OSBP2: variants seen among roughly 807,000 people sequenced by gnomAD.
The protein encoded by OSBP2 is oxysterol-binding protein 2.
OSBP2 carries 66 observed loss-of-function variants against 96.0 expected under a neutral mutation model. That is an observed-to-expected ratio of 0.69 (90% confidence interval 0.56 to 0.84). The LOEUF (loss-of-function observed/expected upper bound fraction) is 0.84. Among genes scored for constraint, OSBP2 ranks in the 40% least tolerant of loss-of-function variants. The pLI is 0.00. For missense variants in OSBP2, 1,038 were observed against 1,222.7 expected, an observed-to-expected ratio of 0.85 and a Z score of 2.25; for synonymous variants, 525 against 520.9, an observed-to-expected ratio of 1.01 and a Z score of -0.11.
At chr22:30,744,743 A>G (rs1252811082) in intron 2 of OSBP2, among the ~76,000 whole-genome samples, 1 of 152,150 alleles carries the variant, frequency 6.6e-6, no homozygotes, top group Non-Finnish European at 1.5e-5. Flanking sequence ...CCTGGGCAAC[A>G]GAGTGAGACT....
intron 2 of OSBP2, among the ~76,000 whole-genome samples, chr22:30,784,675 CTGATTT>C (rs1258613514): frequency 6.6e-6 from 1 of 152,098 alleles, no homozygotes; most frequent in African/African-American, 2.4e-5. Flanking sequence ...AGCATTTACT[CTGATTT>C]TGAATACTCG....
At chr22:30,725,629 C>T (rs1244706491) in intron 1 of OSBP2, among the ~76,000 whole-genome samples, 4 of 152,002 alleles carry the variant, frequency 2.6e-5, no homozygotes, top group Non-Finnish European at 5.9e-5. Context: ...AGTGATTTGT[C>T]CTTTCCTGAT....
At chr22:30,893,401 GGGCAGACTGGCCA>G in intron 9 of OSBP2, 49 bp from the exon 10 acceptor site, 1 of 1,555,312 alleles carries the variant, frequency 6.4e-7, no homozygotes, top group Non-Finnish European at 8.9e-7. Context: ...CCAGGCCTAA[GGGCAGACTGGCCA>G]GAGCCCTGCA....
chr22:30,859,804 A>G (rs942659245), intron 2 of OSBP2, among the ~76,000 whole-genome samples: 7 of 152,234 alleles, frequency 4.6e-5, no homozygotes, highest in Admixed American at 2.0e-4. Flanking sequence ...TCAATGTGGA[A>G]CAAAGGAAAG....
intron 2 of OSBP2, among the ~76,000 whole-genome samples, chr22:30,761,541 CA>C (rs1300554238): frequency 6.6e-6 from 1 of 151,586 alleles, no homozygotes; most frequent in South Asian, 2.1e-4. Context: ...AATGCAATTC[CA>C]AAAAAAATCC....
chr22:30,778,335 C>CACACACACACACA (rs1569119589), intron 2 of OSBP2, among the ~76,000 whole-genome samples: 2 of 100,616 alleles, frequency 2.0e-5, no homozygotes, highest in African/African-American at 8.5e-5. Flanking sequence ...ACACACACAC[C>CACACACACACACA]CACTGACAGC....
intron 1 of OSBP2, among the ~76,000 whole-genome samples, chr22:30,706,730 C>T (rs948922087): frequency 1.2e-4 from 18 of 152,090 alleles, no homozygotes; most frequent in African/African-American, 3.9e-4. Flanking sequence ...AACAAACTTG[C>T]CTTACTCCCC....
At position 30,906,042 on chromosome 22, in the gene OSBP2, C is replaced by G. The variant is rs3804083; in HGVS notation, c.2581C>G (p.Pro861Ala). The G allele has an allele frequency of 5.1e-6, 8 of 1,564,474 alleles. No homozygotes were observed. The highest frequency in any genetic ancestry group is 2.7e-5 in the African/African-American group (2 of 73,730). The change falls in exon 13 of 14, where the codon CCG (proline) becomes GCG (alanine). Residue 861 changes from proline (P) to alanine (A), a missense_variant. Pro to Ala is a conservative substitution (Grantham distance 27). This residue lies in a region of OSBP2 where 737 missense variants were observed against 913.3 expected (regional missense o/e 0.81). Transcript: ENST00000332585. ...SRRRRLEACG[P>A]GSSCSSEEEK... ...GCGCCGGCGGCTGGAGGCCTGCGGGCCGGGCAGCAGCTGCAGCTCGGAGGA... is the reference window on the plus strand; with the variant it reads ...GCGCCGGCGGCTGGAGGCCTGCGGGGCGGGCAGCAGCTGCAGCTCGGAGGA...
In OSBP2 at chr22:30,861,141, G is replaced by A. The variant is rs184538512; in HGVS notation, c.854-9288G>A. Among the ~76,000 whole-genome samples, 169 of 152,234 alleles carry A rather than the reference G, an allele frequency of 1.1e-3. 2 individuals are homozygous for A. The highest frequency in any genetic ancestry group is 3.8e-3 in the African/African-American group (156 of 41,520). On this transcript the variant is annotated intron_variant, in intron 2 of 13. Transcript: ENST00000332585. The stretch of plus-strand genomic sequence containing the variant: ...GCTTGTCGATCTCTCTAGCCGGCCC[G>A]GGGGTATTGGGAAGTGATTTCCCCT...
chr22:30,891,075 C>T, intron 8 of OSBP2, 102 bp downstream of exon 8: 3 of 1,402,284 alleles, frequency 2.1e-6, no homozygotes, highest in Non-Finnish European at 2.9e-6. Flanking sequence ...TCTGTCTGAC[C>T]CTGACTGCCC....
intron 2 of OSBP2, chr22:30,822,734 C>G: frequency 2.0e-6 from 3 of 1,508,864 alleles, no homozygotes; most frequent in Non-Finnish European, 2.7e-6. Context: ...GGCTTCCACC[C>G]GGAGGGAGGC....
intron 2 of OSBP2, among the ~76,000 whole-genome samples, chr22:30,766,242 GGTA>G (rs2090268021): frequency 6.6e-6 from 1 of 152,048 alleles, no homozygotes; most frequent in Non-Finnish European, 1.5e-5. Flanking sequence ...ACAAAAAACT[GGTA>G]GTAGTGAAGG....
rs918147376 is a variant in OSBP2 at position 30,889,704 on chromosome 22, G to C, written c.1623+68G>C. 1.2e-5 allele frequency: 17 copies of C among 1,451,896 alleles called. No individual in the cohort carries two copies. The East Asian group carries it at 1.8e-4, about 15-fold the overall frequency. 89.9% of individuals were successfully genotyped at this position (1,451,896 alleles called of 1,614,324 possible). ...CTGCTTTCCTGTGCGTGGATGAGCAGTAATGGCCTGTGTGAAGTACACACA... is the reference window on the plus strand; with the variant it reads ...CTGCTTTCCTGTGCGTGGATGAGCACTAATGGCCTGTGTGAAGTACACACA... On this transcript the variant is annotated intron_variant, in intron 7 of 13. Transcript: ENST00000332585.
chr22:30,769,927 G>C (rs1203483257), intron 2 of OSBP2, among the ~76,000 whole-genome samples: 3 of 152,006 alleles, frequency 2.0e-5, no homozygotes, highest in African/African-American at 4.8e-5. Context: ...TTGAGGGTGG[G>C]GCCAGGTGGA....
At chr22:30,821,577 G>C (rs899495411) in intron 2 of OSBP2, among the ~76,000 whole-genome samples, 1 of 152,128 alleles carries the variant, frequency 6.6e-6, no homozygotes, top group Non-Finnish European at 1.5e-5. Flanking sequence ...CGGTGGATGG[G>C]GGATGGGGGT....
intron 3 of OSBP2, among the ~76,000 whole-genome samples, chr22:30,877,930 C>T (rs1019026708): frequency 5.9e-5 from 9 of 152,376 alleles, no homozygotes; most frequent in African/African-American, 2.2e-4. Context: ...GGGCCCCGCA[C>T]CCTCCTGTGG....
chr22:30,748,092 G>A (rs1461352497), intron 2 of OSBP2, among the ~76,000 whole-genome samples: 1 of 151,928 alleles, frequency 6.6e-6, no homozygotes, highest in African/African-American at 2.4e-5. Flanking sequence ...GGGCAGGCTG[G>A]TCTCGAACTC....
intron 2 of OSBP2, among the ~76,000 whole-genome samples, chr22:30,802,460 T>A (rs941975840): frequency 1.3e-5 from 2 of 152,186 alleles, no homozygotes; most frequent in African/African-American, 4.8e-5. Context: ...GCTGGAGCCG[T>A]GGACCATCCG....
chr22:30,789,615 G>A (rs2090644652), intron 2 of OSBP2, among the ~76,000 whole-genome samples: 1 of 152,220 alleles, frequency 6.6e-6, no homozygotes, highest in Non-Finnish European at 1.5e-5. Flanking sequence ...GTCCGGTACA[G>A]CTGTGTATGG....
Sources: allele counts gnomAD v4.1 joint callset (sites outside exome capture counted in the v4.1 genomes callset), GRCh38; gene constraint gnomAD v4.1.1; regional missense constraint gnomAD v4.1.1; transcripts MANE v1.5; gene names NCBI Gene and HGNC (gene_info 2026-07-23, HGNC 2026-07-21).